Variants in TTC21B observed in about 807,000 individuals in gnomAD.
TTC21B encodes the protein tetratricopeptide repeat protein 21B.
In TTC21B, 127 loss-of-function variants were observed where a neutral mutation model predicts 175.1. The ratio of observed to expected loss-of-function variants is 0.73; its 90% CI spans 0.63 to 0.84. TTC21B has a LOEUF of 0.84. TTC21B is among the 40% of genes least tolerant of loss of function. The pLI is 0.00. For synonymous variants in TTC21B, 524 were observed against 524.5 expected (o/e 1.00, Z 0.01); for missense variants, 1,561 against 1,558.3 (o/e 1.00, Z -0.03).
intron 1 of TTC21B, among the ~76,000 whole-genome samples, chr2:165,951,902 G>A (rs1024368138): frequency 3.9e-5 from 6 of 152,194 alleles, no homozygotes; most frequent in African/African-American, 1.4e-4. Flanking sequence ...GGTGTGAGGG[G>A]AGGATGGATG....
At chr2:165,898,111 G>C (rs574470880) in intron 22 of TTC21B, among the ~76,000 whole-genome samples, 1 of 152,242 alleles carries the variant, frequency 6.6e-6, no homozygotes, top group East Asian at 1.9e-4. Context: ...GTTAAGAGTT[G>C]ATTTTTATTG....
intron 19 of TTC21B, among the ~76,000 whole-genome samples, chr2:165,902,433 A>G (rs1443210931): frequency 6.6e-6 from 1 of 152,186 alleles, no homozygotes; most frequent in African/African-American, 2.4e-5. Context: ...TGCCTACCAC[A>G]TGCAATATAT....
chr2:165,944,206 C>G (rs1047130786), intron 4 of TTC21B, among the ~76,000 whole-genome samples: 1 of 152,086 alleles, frequency 6.6e-6, no homozygotes, highest in African/African-American at 2.4e-5. Context: ...CTAAATTTTT[C>G]TTTTTCCAGA....
intron 26 of TTC21B, 97 bp downstream of exon 26, chr2:165,883,697 C>T (rs1002591689): frequency 2.3e-5 from 23 of 981,342 alleles, no homozygotes; most frequent in Middle Eastern, 2.9e-4. Flanking sequence ...AAAAATCACA[C>T]AGGAATCCTT....
Position 165,899,671 on chromosome 2 carries a change from G to A in TTC21B, c.2868+99C>T, listed in dbSNP as rs775960079. The A allele has an allele frequency of 3.1e-4, 239 of 778,114 alleles. 4 individuals are homozygous for A. The highest frequency in any genetic ancestry group is 1.8e-3 in the South Asian group (123 of 70,204). 48.2% of individuals were successfully genotyped at this position (778,114 alleles called of 1,614,324 possible). A position where few individuals can be genotyped will look rare whatever the true frequency, so the allele number is the denominator to read the frequency against. ...AATGTTATTTCTTCCAAAAGCCAAC[G>A]TGAGCCATGCCTCATCATCTAGTAG... On this transcript the variant is annotated intron_variant, in intron 21 of 28. Transcript: ENST00000243344.
At chr2:165,923,751 T>C (rs1180027834) in intron 12 of TTC21B, among the ~76,000 whole-genome samples, 3 of 148,004 alleles carry the variant, frequency 2.0e-5, no homozygotes, top group African/African-American at 7.4e-5. Context: ...TGGTTTTTTT[T>C]TTTTTTTTTT....
At chr2:165,920,295 G>A (rs1686338953) in intron 12 of TTC21B, among the ~76,000 whole-genome samples, 2 of 151,968 alleles carry the variant, frequency 1.3e-5, no homozygotes, top group African/African-American at 2.4e-5. Flanking sequence ...CTCACCTGAT[G>A]CCTCAGTCAA....
intron 25 of TTC21B, among the ~76,000 whole-genome samples, chr2:165,885,580 G>C (rs1298993034): frequency 6.6e-6 from 1 of 152,212 alleles, no homozygotes; most frequent in Non-Finnish European, 1.5e-5. Flanking sequence ...CAGGAGAGGA[G>C]AGAAGATAGA....
chr2:165,899,338 T>TA lies in TTC21B; in HGVS notation c.2868+431dup, dbSNP rs1203650870. On this transcript the variant is annotated intron_variant, in intron 21 of 28. Transcript: ENST00000243344. ...TAGCCCACGTAAAAATAAGAAAAAA[T>TA]AAAAAACTCTATTCAAAACAGACTG... is the stretch of plus-strand genomic sequence containing the variant. Among the ~76,000 whole-genome samples the TA allele has an allele frequency of 2.0e-5, 3 of 152,052 alleles. No individual in the cohort carries two copies. The East Asian group carries it at 5.8e-4, about 29-fold the overall frequency.
intron 22 of TTC21B, 90 bp downstream of exon 22, chr2:165,898,596 G>A: frequency 1.2e-6 from 1 of 860,024 alleles, no homozygotes; most frequent in Non-Finnish European, 2.0e-6. Context: ...TAGGGACGGA[G>A]TTTGCCCGAG....
At position 165,930,249 on chromosome 2, in the gene TTC21B, T is replaced by C. The variant is rs1686838009; in HGVS notation, c.1010A>G (p.Gln337Arg). 1.2e-6 allele frequency: 2 copies of C among 1,613,320 alleles called. No homozygotes were observed. Among genetic ancestry groups the C allele is most frequent in the Non-Finnish European group, 1.7e-6 (2 of 1,179,472 alleles). ...CTTCAGTGCCTCTTTAACTCTTCCT[T>C]GTAAAATCATTTGGTATCCAAGTTC... ...ATELGYQMIL[Q>R]GRVKEALKWY... The change falls in exon 9 of 29, where the codon CAA becomes CGA. Residue 337 changes from glutamine (Q) to arginine (R), a missense_variant. Coordinates refer to ENST00000243344, the MANE Select transcript of TTC21B (RefSeq NM_024753.5).
At chr2:165,924,831 C>T (rs1686568709) in intron 11 of TTC21B, among the ~76,000 whole-genome samples, 153 bp from the exon 12 acceptor site, 3 of 152,134 alleles carry the variant, frequency 2.0e-5, no homozygotes, top group Non-Finnish European at 4.4e-5. Context: ...TTTATTATGA[C>T]TTAACTAATA....
intron 11 of TTC21B, among the ~76,000 whole-genome samples, chr2:165,928,435 T>A (rs889192002): frequency 3.9e-5 from 6 of 152,122 alleles, no homozygotes; most frequent in African/African-American, 1.4e-4. Context: ...TCTACTCTAG[T>A]TCTTGCAGGT....
intron 18 of TTC21B, among the ~76,000 whole-genome samples, chr2:165,908,523 C>T (rs895741206): frequency 9.9e-5 from 15 of 152,078 alleles, no homozygotes; most frequent in African/African-American, 3.6e-4. Flanking sequence ...ATGTTTCCTC[C>T]ACCATTTGTC....
intron 22 of TTC21B, among the ~76,000 whole-genome samples, chr2:165,895,568 A>C (rs1285241186): frequency 6.6e-6 from 1 of 152,230 alleles, no homozygotes; most frequent in Non-Finnish European, 1.5e-5. Context: ...AGATAGAATG[A>C]ATATATTATG....
Position 165,880,702 on chromosome 2 carries a change from C to A in TTC21B, c.3782G>T (p.Ser1261Ile), listed in dbSNP as rs371730439. The change falls in exon 27 of 29, where the codon AGC becomes ATC. Residue 1261 changes from serine (S) to isoleucine (I), a missense_variant. Ser to Ile is a moderately radical substitution (Grantham distance 142, BLOSUM62 -2). Transcript: ENST00000243344. ...ACCTACTGCCGGATTTGTCCGATTG[C>A]TATATTTCCATGCCATCTCATAGTT... is the stretch of plus-strand genomic sequence containing the variant. ...ALNYEMAWKY[S>I]NRTNPAVGYK... is the part of the protein sequence containing the mutation. The A allele has an allele frequency of 7.2e-5, 116 of 1,613,474 alleles. No homozygotes were observed. Among genetic ancestry groups the A allele is most frequent in the Non-Finnish European group, 9.5e-5 (112 of 1,179,792 alleles).
At chr2:165,945,834 C>A in intron 3 of TTC21B, 144 bp from the exon 4 acceptor site, 1 of 707,464 alleles carries the variant, frequency 1.4e-6, no homozygotes, top group Non-Finnish European at 2.2e-6. Context: ...ATATATGTAA[C>A]TTAAAATTTT....
At chr2:165,923,712 G>C (rs1294159241) in intron 12 of TTC21B, among the ~76,000 whole-genome samples, 1 of 146,414 alleles carries the variant, frequency 6.8e-6, no homozygotes, top group African/African-American at 2.5e-5. Context: ...AAAGTGCTGG[G>C]ATTACAGGCA....
chr2:165,901,511 C>A (rs1016956269), intron 20 of TTC21B, among the ~76,000 whole-genome samples: 1 of 151,856 alleles, frequency 6.6e-6, no homozygotes, highest in Non-Finnish European at 1.5e-5. Context: ...TCAGTAAAGA[C>A]AAGGTTTCCC....
Sources: allele counts gnomAD v4.1 joint callset (sites outside exome capture counted in the v4.1 genomes callset), GRCh38; gene constraint gnomAD v4.1.1; transcripts MANE v1.5; gene names NCBI Gene and HGNC (gene_info 2026-07-23, HGNC 2026-07-21).